The following C19orf47 variants were observed in gnomAD, a reference collection of about 807,000 sequenced individuals.
C19orf47 encodes uncharacterized protein C19orf47.
In C19orf47, 18 loss-of-function variants were observed where a neutral mutation model predicts 32.3. The ratio of observed to expected loss-of-function variants is 0.56; its 90% CI spans 0.39 to 0.83. C19orf47 has a LOEUF of 0.83. Among genes scored for constraint, C19orf47 ranks in the 40% least tolerant of loss-of-function variants. The pLI is 0.00. For synonymous variants in C19orf47, 202 were observed against 211.1 expected, an observed-to-expected ratio of 0.96 and a Z score of 0.37; for missense variants, 484 against 531.6, an observed-to-expected ratio of 0.91 and a Z score of 0.88.
At position 40,341,894 on chromosome 19, in the gene C19orf47, A is replaced by T; in HGVS notation, c.-33-4T>A. 1 of 1,536,208 alleles carries T rather than the reference A, an allele frequency of 6.5e-7. No individual in the cohort carries two copies. The highest frequency in any genetic ancestry group is 1.4e-5 in the African/African-American group (1 of 73,164). The stretch of plus-strand genomic sequence containing the variant: ...CCCTGACACTGCTCCCTGGAGCCTG[A>T]AAGAGAAGAGAGGAGAGAGCCCATG... On this transcript the variant is annotated splice_polypyrimidine_tract_variant and splice_region_variant and intron_variant, in intron 1 of 8. Coordinates refer to ENST00000683109, the MANE Select transcript of C19orf47 (RefSeq NM_001256441.2).
Position 40,324,141 on chromosome 19 carries a change from C to A in C19orf47, c.593-65G>T, listed in dbSNP as rs2077780342. On this transcript the variant is annotated intron_variant, in intron 7 of 8. Transcript: ENST00000683109. Reference sequence around the variant, plus strand: ...GGCCAGGCCTAGGCTGAGCTCTGTACAGACACCAAGGCAGCCCAGACACCA... The same window carrying A: ...GGCCAGGCCTAGGCTGAGCTCTGTAAAGACACCAAGGCAGCCCAGACACCA... The A allele has an allele frequency of 6.5e-6, 10 of 1,530,498 alleles. No homozygotes were observed. The highest frequency in any genetic ancestry group is 1.4e-5 in the African/African-American group (1 of 73,160). 94.8% of individuals were successfully genotyped at this position (1,530,498 alleles called of 1,614,324 possible).
intron 2 of C19orf47, among the ~76,000 whole-genome samples, chr19:40,338,327 A>G (rs1213135466): frequency 6.8e-6 from 1 of 147,964 alleles, no homozygotes; most frequent in Non-Finnish European, 1.5e-5. Context: ...ACACAAATAT[A>G]TATATACACA....
intron 6 of C19orf47, among the ~76,000 whole-genome samples, chr19:40,328,140 G>A (rs2077871465): frequency 6.6e-6 from 1 of 152,112 alleles, no homozygotes; most frequent in African/African-American, 2.4e-5. Flanking sequence ...TGAGTGAGAA[G>A]GCAATGCACA....
At chr19:40,342,011 G>T in intron 1 of C19orf47, 121 bp from the exon 2 acceptor site, 1 of 1,497,310 alleles carries the variant, frequency 6.7e-7, no homozygotes, top group Non-Finnish European at 8.9e-7. Context: ...TCACCGCCCA[G>T]GAATAGCCTG....
At chr19:40,328,633 A>G in intron 5 of C19orf47, 83 bp from the exon 6 acceptor site, 1 of 1,490,456 alleles carries the variant, frequency 6.7e-7, no homozygotes, top group African/African-American at 1.4e-5. Context: ...CAGGATGGAG[A>G]AGGTGAGGCT....
intron 1 of C19orf47, 99 bp downstream of exon 1, chr19:40,348,225 G>T: frequency 3.8e-6 from 3 of 790,416 alleles, no homozygotes; most frequent in Non-Finnish European, 3.5e-6. Context: ...TCGTAAGTCC[G>T]AAGCCGTACA....
At chr19:40,310,579 C>T in the C19orf47 span, among the ~76,000 whole-genome samples, 5 of 152,104 alleles carry the variant, frequency 3.3e-5, no homozygotes, top group East Asian at 3.9e-4. Context: ...CGCACCCAGC[C>T]GAATTGTTCA....
At chr19:40,338,531 C>T (rs1415085269) in intron 2 of C19orf47, among the ~76,000 whole-genome samples, 5 of 151,956 alleles carry the variant, frequency 3.3e-5, no homozygotes, top group Non-Finnish European at 4.4e-5. Context: ...ATTACAGCCA[C>T]GCGCCACCAT....
chr19:40,311,015 A>G, the C19orf47 span, among the ~76,000 whole-genome samples: 11 of 152,282 alleles, frequency 7.2e-5, no homozygotes, highest in African/African-American at 2.6e-4. Flanking sequence ...AGGTGAGCGG[A>G]TTGCTTGAGT....
chr19:40,338,966 C>T (rs1209800713), intron 2 of C19orf47: 1 of 152,226 alleles, frequency 6.6e-6, no homozygotes, highest in Non-Finnish European at 1.5e-5. Flanking sequence ...TATAGCTACA[C>T]TAAGCTGTTA....
chr19:40,328,725 C>A (rs779390490), intron 5 of C19orf47, among the ~76,000 whole-genome samples, 175 bp from the exon 6 acceptor site: 2 of 152,026 alleles, frequency 1.3e-5, no homozygotes, highest in African/African-American at 4.8e-5. Context: ...GCAGGGTGGG[C>A]TGCATCTCCC....
chr19:40,310,196 ACT>A, the C19orf47 span, among the ~76,000 whole-genome samples: 85 of 152,056 alleles, frequency 5.6e-4, no homozygotes, highest in African/African-American at 1.9e-3. Context: ...AAGGAATGAA[ACT>A]CTGATACATG....
At chr19:40,293,937 T>C in the C19orf47 span, among the ~76,000 whole-genome samples, 2 of 152,026 alleles carry the variant, frequency 1.3e-5, no homozygotes, top group Middle Eastern at 3.4e-3. Context: ...CTGATTAACA[T>C]GGTAAAACCC....
At chr19:40,344,868 G>C (rs563612246) in intron 1 of C19orf47, among the ~76,000 whole-genome samples, 1 of 152,290 alleles carries the variant, frequency 6.6e-6, no homozygotes, top group South Asian at 2.1e-4. Context: ...GAAAGTTACA[G>C]ATGAGAATGG....
intron 6 of C19orf47, 137 bp downstream of exon 6, chr19:40,328,276 G>A (rs1330674012): frequency 3.0e-6 from 4 of 1,317,920 alleles, no homozygotes; most frequent in African/African-American, 1.5e-5. Context: ...AGTTTACAGA[G>A]GTGATTCAGG....
Position 40,348,352 on chromosome 19 carries a change from G to C in C19orf47, c.-62C>G. On this transcript the variant is annotated 5_prime_UTR_variant, in exon 1 of 9. Transcript: ENST00000683109. ...GCCCACCGGGCCCGCGCCCACTCGC[G>C]CCGCCCGCCCTCCCTCCCGGCGGCG... The C allele has an allele frequency of 7.4e-7, 1 of 1,355,648 alleles. No homozygotes were observed. The highest frequency in any genetic ancestry group is 9.5e-7 in the Non-Finnish European group (1 of 1,050,924). The allele number at this position is 1,355,648 out of a possible 1,614,324, so 84.0% of individuals were successfully genotyped here.
At chr19:40,316,195 G>A (rs1300174120), downstream of C19orf47, among the ~76,000 whole-genome samples, 1 of 152,200 alleles carries the variant, frequency 6.6e-6, no homozygotes, top group Non-Finnish European at 1.5e-5. Context: ...TCAGCAGCAG[G>A]GGGCTTGGGC....
chr19:40,341,649 G>C, intron 2 of C19orf47, 190 bp downstream of exon 2: 1 of 767,252 alleles, frequency 1.3e-6, no homozygotes, highest in Non-Finnish European at 2.0e-6. Context: ...ATACAGTCAG[G>C]AGAGAGATCC....
intron 2 of C19orf47, among the ~76,000 whole-genome samples, chr19:40,336,901 C>T (rs1232593391): frequency 6.6e-6 from 1 of 152,096 alleles, no homozygotes; most frequent in East Asian, 1.9e-4. Flanking sequence ...TGGCAAGCCC[C>T]CACCCGCCAC....
Sources: gnomAD v4.1 joint callset for allele counts (sites outside exome capture counted in the v4.1 genomes callset) on GRCh38, gnomAD v4.1.1 for gene constraint, MANE v1.5 for transcripts, NCBI Gene and HGNC (gene_info 2026-07-23, HGNC 2026-07-21) for gene names.